The following OXR1 variants were observed in gnomAD, a reference collection of about 807,000 sequenced individuals.
OXR1 encodes the protein oxidation resistance protein 1.
In OXR1, 41 loss-of-function variants were observed where a neutral mutation model predicts 104.6. That is an observed-to-expected ratio of 0.39 (90% confidence interval 0.31 to 0.51). The LOEUF is 0.51. Ranked by LOEUF, OXR1 falls within the 20% of genes least tolerant of loss-of-function variation. The probability of loss-of-function intolerance (pLI) is 0.77; values close to 1 mark genes in which losing one functional copy is unlikely to be tolerated. For synonymous variants in OXR1, 348 were observed against 348.4 expected (o/e 1.00, Z 0.01); for missense variants, 955 against 1,031.9 (o/e 0.93, Z 1.02).
rs74209006 is a variant in OXR1 at position 106,303,061 on chromosome 8, G to GT, written c.-139+32706dup. On this transcript the variant is annotated intron_variant, in intron 1 of 16. Coordinates refer to ENST00000517566, the MANE Select transcript of OXR1 (RefSeq NM_001198533.2). ...AGCCAGCGCACCTGGCCGCAAACCT[G>GT]TTTTTTTTTTTTAAATTACAGATAT... Among the ~76,000 whole-genome samples the GT allele has an allele frequency of 6.7e-3, 970 of 143,722 alleles. 11 individuals are homozygous for GT. The highest frequency in any genetic ancestry group is 0.017 in the African/African-American group (690 of 39,484). 94.3% of individuals were successfully genotyped at this position (143,722 alleles called of 152,430 possible).
chr8:106,672,452 A>G (rs1413503883), intron 3 of OXR1, among the ~76,000 whole-genome samples: 1 of 151,752 alleles, frequency 6.6e-6, no homozygotes, highest in East Asian at 1.9e-4. Flanking sequence ...GTGCCACTGT[A>G]CTCCAGCCTG....
At chr8:106,553,475 C>T (rs1258619614) in intron 3 of OXR1, among the ~76,000 whole-genome samples, 2 of 151,852 alleles carry the variant, frequency 1.3e-5, no homozygotes, top group African/African-American at 4.8e-5. Context: ...TGTGCCACCA[C>T]ACCTGGCTAA....
At chr8:106,452,328 T>C (rs2130619997) in intron 2 of OXR1, among the ~76,000 whole-genome samples, 1 of 152,328 alleles carries the variant, frequency 6.6e-6, no homozygotes, top group Non-Finnish European at 1.5e-5. Flanking sequence ...TAATTTAGCC[T>C]ATAAAAATTT....
intron 2 of OXR1, 60 bp downstream of exon 2, chr8:106,359,696 C>A (rs2022982): frequency 0.56 from 721,003 of 1,287,352 alleles, 202,985 homozygotes; most frequent in African/African-American, 0.76. Flanking sequence ...GCAGTATTTT[C>A]TGAGGGAGTC....
chr8:106,460,301 C>T (rs561299087), intron 2 of OXR1, among the ~76,000 whole-genome samples: 3 of 152,138 alleles, frequency 2.0e-5, no homozygotes, highest in Non-Finnish European at 4.4e-5. Flanking sequence ...TTAAAAGCTG[C>T]CTTTGTCAGT....
At chr8:106,674,634 G>C (rs546357315) in intron 3 of OXR1, among the ~76,000 whole-genome samples, 1 of 152,216 alleles carries the variant, frequency 6.6e-6, no homozygotes, top group East Asian at 1.9e-4. Context: ...GTTTGGCTTT[G>C]TGTCCCCACC....
chr8:106,473,570 C>T (rs1433495940), intron 2 of OXR1, among the ~76,000 whole-genome samples: 1 of 151,776 alleles, frequency 6.6e-6, no homozygotes, highest in Non-Finnish European at 1.5e-5. Context: ...TTTATTTTTA[C>T]ACAAAGCGTA....
At chr8:106,730,589 C>A (rs761242275) in intron 11 of OXR1, among the ~76,000 whole-genome samples, 2 of 152,048 alleles carry the variant, frequency 1.3e-5, no homozygotes, top group Non-Finnish European at 2.9e-5. Context: ...GAATAATATT[C>A]TATTTTATGG....
intron 2 of OXR1, among the ~76,000 whole-genome samples, chr8:106,431,108 C>T (rs760487196): frequency 9.9e-5 from 15 of 152,086 alleles, no homozygotes; most frequent in African/African-American, 2.7e-4. Context: ...CTGAGGCCAC[C>T]GTCCTGTAAG....
intron 3 of OXR1, among the ~76,000 whole-genome samples, chr8:106,597,326 G>T (rs181574903): frequency 6.6e-6 from 1 of 152,124 alleles, no homozygotes. Context: ...AGAGTGAGAT[G>T]ATGTCTGCCT....
At chr8:106,452,530 G>A (rs1489631158) in intron 2 of OXR1, among the ~76,000 whole-genome samples, 1 of 151,964 alleles carries the variant, frequency 6.6e-6, no homozygotes, top group Non-Finnish European at 1.5e-5. Context: ...TGTATCTATG[G>A]ATACCTTTTC....
intron 11 of OXR1, among the ~76,000 whole-genome samples, chr8:106,736,891 G>A (rs1834425424): frequency 6.6e-6 from 1 of 152,148 alleles, no homozygotes; most frequent in African/African-American, 2.4e-5. Context: ...TTAAAGGGCT[G>A]AAGCAGACAT....
At chr8:106,344,473 G>A (rs150326499) in intron 1 of OXR1, among the ~76,000 whole-genome samples, 35 of 152,194 alleles carry the variant, frequency 2.3e-4, no homozygotes, top group African/African-American at 8.4e-4. Flanking sequence ...AAGTAGCTGG[G>A]ACTACAGGCG....
chr8:106,673,092 T>C (rs1230184176), intron 3 of OXR1, among the ~76,000 whole-genome samples: 1 of 151,532 alleles, frequency 6.6e-6, no homozygotes, highest in East Asian at 1.9e-4. Flanking sequence ...CAGGCAGAGG[T>C]TGGAACAGTT....
At chr8:106,402,665 C>G (rs1437435793) in intron 2 of OXR1, among the ~76,000 whole-genome samples, 5 of 152,094 alleles carry the variant, frequency 3.3e-5, no homozygotes, top group Non-Finnish European at 7.4e-5. Flanking sequence ...TTCTTTTCCT[C>G]AATGCAAGTT....
rs1820686900 is a variant in OXR1 at position 106,457,889 on chromosome 8, G to A, written c.24-61054G>A. ...AGAGCAATAAACTAGGATATCTGGT[G>A]GAAGAAAATTTTTAAGTAAAATTTT... On this transcript the variant is annotated intron_variant, in intron 2 of 16. Coordinates refer to ENST00000517566, the MANE Select transcript of OXR1 (RefSeq NM_001198533.2). 1.3e-5 allele frequency among the ~76,000 whole-genome samples: 2 copies of A among 152,130 alleles called. 1 individual carries two copies. Among genetic ancestry groups the A allele is most frequent in the Admixed American group, 1.3e-4 (2 of 15,272 alleles).
chr8:106,739,072 G>GCACACACACACA (rs1563762636), intron 12 of OXR1, among the ~76,000 whole-genome samples: 1 of 73,398 alleles, frequency 1.4e-5, no homozygotes, highest in South Asian at 5.1e-4. Context: ...ATTTTAAATA[G>GCACACACACACA]CATACACACA....
At chr8:106,477,418 T>C (rs1821866065) in intron 2 of OXR1, among the ~76,000 whole-genome samples, 1 of 152,016 alleles carries the variant, frequency 6.6e-6, no homozygotes, top group Non-Finnish European at 1.5e-5. Context: ...CATGTATTAC[T>C]GTTAATTTTA....
intron 2 of OXR1, among the ~76,000 whole-genome samples, chr8:106,456,291 C>T (rs1820591304): frequency 6.6e-6 from 1 of 152,138 alleles, no homozygotes; most frequent in Non-Finnish European, 1.5e-5. Flanking sequence ...AATTCAAATT[C>T]ATTCATTGAG....
Sources: allele counts gnomAD v4.1 joint callset (sites outside exome capture counted in the v4.1 genomes callset), GRCh38; gene constraint gnomAD v4.1.1; transcripts MANE v1.5; gene names NCBI Gene and HGNC (gene_info 2026-07-23, HGNC 2026-07-21).